Variants in DAW1 observed in about 807,000 individuals in gnomAD.
DAW1 encodes dynein assembly factor with WD repeats 1.
A neutral mutation model predicts 56.5 loss-of-function variants in DAW1; 47 were observed. That is an observed-to-expected ratio of 0.83 (90% CI 0.66 to 1.06). The LOEUF (loss-of-function observed/expected upper bound fraction) is 1.06, where lower values mean the gene tolerates loss of function less well. Among genes scored for constraint, DAW1 ranks in the 50% least tolerant of loss-of-function variants. The pLI, the probability that DAW1 is intolerant of heterozygous loss-of-function variation, is 0.00. For missense variants in DAW1, 505 were observed against 499.3 expected (o/e 1.01, Z -0.11); for synonymous variants, 190 against 179.0 (o/e 1.06, Z -0.49).
In DAW1 at chr2:227,919,292, TG is replaced by T. The variant is rs1692051717; in HGVS notation, c.1050+437del. ...GATTAAGATTTGTTCTATTGTCTCA[TG>T]TTTTTTTCTAGAAATCACTTACCTA... On this transcript the variant is annotated intron_variant, in intron 11 of 12. Coordinates refer to ENST00000309931, the MANE Select transcript of DAW1 (RefSeq NM_178821.3). Among the ~76,000 whole-genome samples the T allele has an allele frequency of 4.6e-5, 7 of 152,100 alleles. No homozygotes were observed. The South Asian group carries it at 1.5e-3, about 32-fold the overall frequency.
intron 2 of DAW1, among the ~76,000 whole-genome samples, chr2:227,888,805 T>C (rs1396127731): frequency 1.3e-5 from 2 of 152,268 alleles, no homozygotes; most frequent in Non-Finnish European, 2.9e-5. Flanking sequence ...AATATTATTC[T>C]GTGCCAGCAA....
At chr2:227,921,780 T>G (rs1019348405) in intron 12 of DAW1, among the ~76,000 whole-genome samples, 3 of 152,194 alleles carry the variant, frequency 2.0e-5, no homozygotes, top group African/African-American at 7.2e-5. Context: ...TTGTGAACTT[T>G]GAATTTTATT....
intron 10 of DAW1, among the ~76,000 whole-genome samples, chr2:227,909,906 C>T (rs1014479845): frequency 2.0e-5 from 3 of 152,226 alleles, no homozygotes; most frequent in South Asian, 2.1e-4. Context: ...TTACCAGCCA[C>T]GTGGGTATCC....
At chr2:227,883,589 A>G (rs1691057832) in intron 1 of DAW1, among the ~76,000 whole-genome samples, 1 of 152,230 alleles carries the variant, frequency 6.6e-6, no homozygotes, top group Admixed American at 6.5e-5. Context: ...AATGTTCACA[A>G]TGATATAAAA....
intron 5 of DAW1, chr2:227,895,607 G>A (rs915237803): frequency 1.3e-5 from 2 of 152,244 alleles, no homozygotes; most frequent in African/African-American, 4.8e-5. Context: ...AGTGTCTCCA[G>A]GAGGGGATTC....
chr2:227,903,640 T>C, intron 7 of DAW1, among the ~76,000 whole-genome samples: 1 of 93,302 alleles, frequency 1.1e-5, no homozygotes, highest in South Asian at 3.2e-4. Flanking sequence ...TCTGTCACTC[T>C]CCCCTTCCTC....
intron 11 of DAW1, 29 bp downstream of exon 11, chr2:227,918,885 T>C (rs746233073): frequency 1.2e-6 from 2 of 1,611,458 alleles, no homozygotes; most frequent in African/African-American, 1.3e-5. Flanking sequence ...TGGAGGAGTT[T>C]ATTTACTTTC....
At chr2:227,912,233 C>A in intron 10 of DAW1, 1 of 454,470 alleles carries the variant, frequency 2.2e-6, no homozygotes. Context: ...CCTTCTTTCT[C>A]TTTTTCTTTT....
intron 2 of DAW1, among the ~76,000 whole-genome samples, chr2:227,887,099 G>T (rs2056570): frequency 0.1 from 15,290 of 152,214 alleles, 1,035 homozygotes; most frequent in East Asian, 0.25. Flanking sequence ...ACGTGTCTAG[G>T]GTGGGGCTGG....
chr2:227,918,731 G>C (rs16824214), intron 10 of DAW1, 49 bp from the exon 11 acceptor site: 91,144 of 1,593,156 alleles, frequency 0.057, 2,940 homozygotes, highest in Middle Eastern at 0.083. Context: ...TTTATCCAAA[G>C]TTCTGTATTT....
intron 10 of DAW1, among the ~76,000 whole-genome samples, chr2:227,918,305 C>A (rs1238992707): frequency 6.6e-6 from 1 of 152,156 alleles, no homozygotes; most frequent in African/African-American, 2.4e-5. Context: ...ATTCTATTAG[C>A]TTTTTCTGTA....
At chr2:227,907,382 C>G in intron 10 of DAW1, 130 bp downstream of exon 10, 1 of 685,448 alleles carries the variant, frequency 1.5e-6, no homozygotes, top group Non-Finnish European at 2.4e-6. Flanking sequence ...TCATCTCTAT[C>G]GTGACCATGT....
Position 227,921,569 on chromosome 2 carries a change from A to G in DAW1, c.1213+8A>G, listed in dbSNP as rs1692112677. The G allele has an allele frequency of 1.9e-6, 3 of 1,612,112 alleles. No homozygotes were observed. Among genetic ancestry groups the G allele is most frequent in the African/African-American group, 2.7e-5 (2 of 74,928 alleles). ...GCAACATAGTCATTACAGGTATGGA[A>G]GACATCAACACCATAGACTCATTTT... On this transcript the variant is annotated splice_region_variant and intron_variant, in intron 12 of 12. Transcript: ENST00000309931.
At chr2:227,913,841 GT>G (rs1451505894) in intron 10 of DAW1, among the ~76,000 whole-genome samples, 1 of 151,270 alleles carries the variant, frequency 6.6e-6, no homozygotes, top group Non-Finnish European at 1.5e-5. Context: ...ATTACAACAT[GT>G]CTACACCTTC....
At chr2:227,875,439 AC>A (rs1289492352) in intron 1 of DAW1, among the ~76,000 whole-genome samples, 7 of 151,050 alleles carry the variant, frequency 4.6e-5, no homozygotes, top group Admixed American at 1.3e-4. Context: ...GCAAAATCTC[AC>A]CCCCTGTTGC....
intron 10 of DAW1, among the ~76,000 whole-genome samples, chr2:227,910,407 G>T (rs1691786560): frequency 6.6e-6 from 1 of 151,758 alleles, no homozygotes; most frequent in Non-Finnish European, 1.5e-5. Flanking sequence ...AGGAGTTCAA[G>T]GTTACAGCGA....
intron 11 of DAW1, 126 bp downstream of exon 11, chr2:227,918,982 G>A (rs1574674887): frequency 1.1e-5 from 11 of 994,092 alleles, no homozygotes. Flanking sequence ...ATTGCTTGAG[G>A]CCAGGAGTTC....
intron 7 of DAW1, 86 bp downstream of exon 7, chr2:227,903,195 G>A: frequency 7.2e-7 from 1 of 1,392,664 alleles, no homozygotes; most frequent in Non-Finnish European, 1.0e-6. Flanking sequence ...GTTGGAGGTT[G>A]TTGAGTTGCT....
chr2:227,885,247 A>G, intron 1 of DAW1, 104 bp from the exon 2 acceptor site: 1 of 774,018 alleles, frequency 1.3e-6, no homozygotes, highest in Non-Finnish European at 1.9e-6. Flanking sequence ...TAAAAAATTA[A>G]AAATTTTAAA....
Sources: gnomAD v4.1 joint callset for allele counts (sites outside exome capture counted in the v4.1 genomes callset) on GRCh38, gnomAD v4.1.1 for gene constraint, MANE v1.5 for transcripts, NCBI Gene and HGNC (gene_info 2026-07-23, HGNC 2026-07-21) for gene names.